The following RHOT1 variants were observed in gnomAD, a reference collection of about 807,000 sequenced individuals.
RHOT1 encodes the protein ras homolog family member T1.
Under a neutral mutation model 95.3 loss-of-function variants are expected in RHOT1, and 27 were observed. The ratio of observed to expected loss-of-function variants is 0.28; its 90% CI spans 0.21 to 0.39. The LOEUF is 0.39. Ranked by LOEUF, RHOT1 falls within the 10% of genes least tolerant of loss-of-function variation. RHOT1 has a pLI of 1.00. For missense variants in RHOT1, 578 were observed against 786.7 expected, an observed-to-expected ratio of 0.73 and a Z score of 3.17; for synonymous variants, 227 against 263.5, an observed-to-expected ratio of 0.86 and a Z score of 1.34.
intron 1 of RHOT1, 28 bp from the exon 2 acceptor site, chr17:32,171,015 A>G: frequency 1.9e-6 from 3 of 1,561,320 alleles, no homozygotes; most frequent in Non-Finnish European, 2.6e-6. Flanking sequence ...CTAACACTTT[A>G]TTAAAGTAAC....
intron 2 of RHOT1, among the ~76,000 whole-genome samples, chr17:32,172,261 A>C (rs1022576159): frequency 6.6e-6 from 1 of 152,204 alleles, no homozygotes; most frequent in African/African-American, 2.4e-5. Context: ...TGGTTAAATA[A>C]GTAATTGCTT....
chr17:32,201,826 T>C (rs571461351), intron 14 of RHOT1, among the ~76,000 whole-genome samples: 3 of 151,766 alleles, frequency 2.0e-5, no homozygotes, highest in African/African-American at 7.3e-5. Context: ...TCATTTTCGG[T>C]TTTTTTTCTA....
intron 19 of RHOT1, among the ~76,000 whole-genome samples, chr17:32,216,075 T>C (rs1161964057): frequency 6.6e-6 from 1 of 152,186 alleles, no homozygotes; most frequent in African/African-American, 2.4e-5. Flanking sequence ...TATATATAGA[T>C]GAGCTTGATT....
At chr17:32,146,280 T>A (rs959623923) in intron 1 of RHOT1, among the ~76,000 whole-genome samples, 10 of 152,076 alleles carry the variant, frequency 6.6e-5, no homozygotes, top group African/African-American at 2.4e-4. Flanking sequence ...TCTTGCTGTA[T>A]CCCCAGTGGC....
rs559802705 is a variant in RHOT1 at position 32,205,625 on chromosome 17, C to T, written c.1417-1285C>T. 1.4e-4 allele frequency among the ~76,000 whole-genome samples: 21 copies of T among 152,332 alleles called. No individual in the cohort carries two copies. In the South Asian group the frequency reaches 4.3e-3, roughly 32 times the overall value. On this transcript the variant is annotated intron_variant, in intron 16 of 19. Transcript: ENST00000545287. ...AAGTACAAAAGAAGAGCTGAAAAGA[C>T]ACTATGAAATACAGTAGAAGGAGGG...
chr17:32,177,563 G>A (rs1318090101), intron 6 of RHOT1, among the ~76,000 whole-genome samples: 1 of 151,960 alleles, frequency 6.6e-6, no homozygotes, highest in Non-Finnish European at 1.5e-5. Context: ...AGACCATCCT[G>A]GCTAACACAG....
chr17:32,219,967 G>A (rs576014169), intron 19 of RHOT1, among the ~76,000 whole-genome samples: 1 of 152,216 alleles, frequency 6.6e-6, no homozygotes, highest in East Asian at 1.9e-4. Flanking sequence ...ATAGACACAC[G>A]TACACATTTT....
intron 18 of RHOT1, among the ~76,000 whole-genome samples, chr17:32,210,704 A>C (rs1735200768): frequency 6.6e-6 from 1 of 151,898 alleles, no homozygotes; most frequent in Non-Finnish European, 1.5e-5. Flanking sequence ...GAGGAGGAGG[A>C]GGAGGGAATC....
intron 1 of RHOT1, among the ~76,000 whole-genome samples, chr17:32,168,111 C>T (rs994248654): frequency 1.4e-5 from 2 of 140,406 alleles, no homozygotes; most frequent in African/African-American, 2.6e-5. Flanking sequence ...ACCTACTCCT[C>T]AAAAAAAAAA....
intron 18 of RHOT1, among the ~76,000 whole-genome samples, chr17:32,210,582 A>G (rs1187615512): frequency 1.3e-5 from 2 of 152,198 alleles, no homozygotes; most frequent in African/African-American, 2.4e-5. Flanking sequence ...TTGATGAATT[A>G]AAGACGTTGT....
intron 15 of RHOT1, among the ~76,000 whole-genome samples, chr17:32,203,398 CT>C (rs1234557583): frequency 6.6e-6 from 1 of 151,550 alleles, no homozygotes; most frequent in Non-Finnish European, 1.5e-5. Flanking sequence ...ACCTCAGCCC[CT>C]GGAGCAGCTG....
Position 32,206,998 on chromosome 17 carries a change from A to C in RHOT1, c.1505A>C (p.Lys502Thr). 1 of 1,612,672 alleles carries C rather than the reference A, an allele frequency of 6.2e-7. No individual in the cohort carries two copies. The highest frequency in any genetic ancestry group is 8.5e-7 in the Non-Finnish European group (1 of 1,179,468). Residue 502 changes from lysine (K) to threonine (T), a missense_variant, in exon 17 of 20, where the codon AAA becomes ACA. This residue lies in a region of RHOT1 where 296 missense variants were observed against 338.5 expected (regional missense o/e 0.87). Coordinates refer to ENST00000545287, the MANE Select transcript of RHOT1 (RefSeq NM_001033566.3). ...VCLVYDVSNP[K>T]SFEYCARIFK... is the part of the protein sequence containing the mutation. ...CTGGTATATGATGTCAGCAATCCCA[A>C]ATCCTTTGAATACTGTGCCAGGATT...
chr17:32,193,205 A>G lies in RHOT1; in HGVS notation c.709A>G (p.Ile237Val). The change falls in exon 10 of 20, where the codon ATA becomes GTA. Residue 237 changes from isoleucine (I) to valine (V), a missense_variant. Transcript: ENST00000545287. ...EDVKNVVRKH[I>V]SDGVADSGLT... ...TGTCAAGAATGTAGTCAGAAAACAT[A>G]TAAGTGATGGTGTGGCTGACAGTGG... 6.2e-7 allele frequency: 1 copy of G among 1,613,800 alleles called. No homozygotes were observed. Among genetic ancestry groups the G allele is most frequent in the South Asian group, 1.1e-5 (1 of 91,038 alleles).
intron 1 of RHOT1, among the ~76,000 whole-genome samples, chr17:32,154,834 G>T (rs2032769217): frequency 6.6e-6 from 1 of 152,014 alleles, no homozygotes; most frequent in African/African-American, 2.4e-5. Flanking sequence ...GGCGGAGGTT[G>T]CAGTGAGCCG....
At chr17:32,194,211 T>A in intron 11 of RHOT1, 104 bp downstream of exon 11, 2 of 1,196,212 alleles carry the variant, frequency 1.7e-6, no homozygotes, top group Non-Finnish European at 2.4e-6. Context: ...AGTCAAGTGA[T>A]CCTCCCACCT....
intron 15 of RHOT1, 120 bp downstream of exon 15, chr17:32,203,020 G>A: frequency 2.3e-6 from 2 of 868,800 alleles, no homozygotes; most frequent in Non-Finnish European, 3.6e-6. Context: ...GCCTGTATTA[G>A]TCAAGTACAG....
intron 1 of RHOT1, among the ~76,000 whole-genome samples, chr17:32,156,906 T>C (rs904309288): frequency 6.6e-6 from 1 of 152,264 alleles, no homozygotes; most frequent in Non-Finnish European, 1.5e-5. Context: ...AAGCATTATA[T>C]AGCTCTCATC....
At chr17:32,182,334 T>A (rs2035705635) in intron 6 of RHOT1, among the ~76,000 whole-genome samples, 1 of 152,032 alleles carries the variant, frequency 6.6e-6, no homozygotes, top group Non-Finnish European at 1.5e-5. Flanking sequence ...AATTTTTTTT[T>A]AATTTGCTGG....
chr17:32,165,041 C>CA (rs1006788736), intron 1 of RHOT1, among the ~76,000 whole-genome samples: 135 of 151,172 alleles, frequency 8.9e-4, no homozygotes, highest in African/African-American at 2.6e-3. Context: ...CAAAACAAAA[C>CA]AAAAAAAACA....
Sources: allele counts gnomAD v4.1 joint callset (sites outside exome capture counted in the v4.1 genomes callset), GRCh38; gene constraint gnomAD v4.1.1; regional missense constraint gnomAD v4.1.1; transcripts MANE v1.5; gene names NCBI Gene and HGNC (gene_info 2026-07-23, HGNC 2026-07-21).